SDK1: variants seen among roughly 807,000 people sequenced by gnomAD.
SDK1 encodes the protein sidekick cell adhesion molecule 1.
Under a neutral mutation model 245.5 loss-of-function variants are expected in SDK1, and 157 were observed. That is an observed-to-expected ratio of 0.64 (90% CI 0.56 to 0.73). The LOEUF (loss-of-function observed/expected upper bound fraction) is 0.73. Ranked by LOEUF, SDK1 falls within the 30% of genes least tolerant of loss-of-function variation. The pLI is 0.00. For missense variants in SDK1, 3,583 were observed against 3,002.3 expected, an observed-to-expected ratio of 1.19 and a Z score of -4.52; for synonymous variants, 1,647 against 1,278.5, an observed-to-expected ratio of 1.29 and a Z score of -6.15.
At chr7:3,469,486 G>A (rs961263123) in intron 1 of SDK1, among the ~76,000 whole-genome samples, 15 of 152,128 alleles carry the variant, frequency 9.9e-5, no homozygotes, top group African/African-American at 3.1e-4. Flanking sequence ...AATAGCATGA[G>A]GTGATGTACA....
intron 4 of SDK1, among the ~76,000 whole-genome samples, chr7:3,790,012 C>G (rs1426909497): frequency 6.6e-6 from 1 of 152,128 alleles, no homozygotes; most frequent in Non-Finnish European, 1.5e-5. Flanking sequence ...GCCACCACCT[C>G]TCCCCCTTCC....
At position 4,161,834 on chromosome 7, in the gene SDK1, C is replaced by T. The variant is rs1466224084; in HGVS notation, c.4778C>T (p.Ser1593Phe). The T allele has an allele frequency of 9.9e-6, 16 of 1,614,052 alleles. No individual in the cohort carries two copies. The highest frequency in any genetic ancestry group is 1.7e-5 in the Admixed American group (1 of 60,010). ...GSVSATPHTT[S>F]SVLIQWQPPR... ...GTCTCAGCGACGCCACACACCACGT[C>T]CTCTGTCCTGATACAGTGGCAGGTA... The change falls in exon 32 of 45, where the codon TCC becomes TTC. Residue 1593 changes from serine (S) to phenylalanine (F), a missense_variant. Transcript: ENST00000404826.
At chr7:3,957,917 G>A in intron 7 of SDK1, 1 of 466,342 alleles carries the variant, frequency 2.1e-6, no homozygotes, top group Non-Finnish European at 4.4e-6. Flanking sequence ...CTTTCTGCTT[G>A]AGTGGTCCAG....
intron 1 of SDK1, among the ~76,000 whole-genome samples, chr7:3,554,218 C>G (rs1779512738): frequency 6.6e-6 from 1 of 152,166 alleles, no homozygotes; most frequent in Non-Finnish European, 1.5e-5. Context: ...CCATAGAGCA[C>G]TTTTAAACAA....
In SDK1 at chr7:4,174,444, C is replaced by T. The variant is rs917745473; in HGVS notation, c.4936+87C>T. The T allele has an allele frequency of 1.2e-4, 176 of 1,425,742 alleles. 2 individuals carry two copies. In the Middle Eastern group the frequency reaches 1.8e-3, roughly 14 times the overall value. The allele number at this position is 1,425,742 out of a possible 1,614,324, so 88.3% of individuals were successfully genotyped here. ...GCTCAGTGCACATCATGGTGGGAAA[C>T]GCTGTGGAAGAGGCTGAGAGAAGAG... On this transcript the variant is annotated intron_variant, in intron 33 of 44. Transcript: ENST00000404826.
At chr7:3,665,966 T>C (rs974085660) in intron 4 of SDK1, among the ~76,000 whole-genome samples, 6 of 152,274 alleles carry the variant, frequency 3.9e-5, no homozygotes, top group African/African-American at 1.4e-4. Context: ...CTCGGTTGGC[T>C]CACACTTCCT....
At position 3,951,710 on chromosome 7, in the gene SDK1, A is replaced by C; in HGVS notation, c.960-20A>C. 1 of 1,609,438 alleles carries C rather than the reference A, an allele frequency of 6.2e-7. No homozygotes were observed. Among genetic ancestry groups the C allele is most frequent in the Non-Finnish European group, 8.5e-7 (1 of 1,178,392 alleles). ...TCCCTGAGTCACAATCGTCGTCATGAATGCCTTTCATTCCCACAGGCCTGT... is the reference window on the plus strand; with the variant it reads ...TCCCTGAGTCACAATCGTCGTCATGCATGCCTTTCATTCCCACAGGCCTGT... On this transcript the variant is annotated intron_variant, in intron 6 of 44. Coordinates refer to ENST00000404826, the MANE Select transcript of SDK1 (RefSeq NM_152744.4).
At chr7:4,082,261 G>A (rs2128179725) in intron 22 of SDK1, among the ~76,000 whole-genome samples, 1 of 152,174 alleles carries the variant, frequency 6.6e-6, no homozygotes, top group South Asian at 2.1e-4. Context: ...ACTTTGGCCA[G>A]GCGTGATGGC....
intron 4 of SDK1, among the ~76,000 whole-genome samples, chr7:3,715,477 C>A (rs1264051925): frequency 6.6e-6 from 1 of 152,156 alleles, no homozygotes; most frequent in East Asian, 1.9e-4. Context: ...AGACACCCCT[C>A]ACCTTCTACC....
intron 1 of SDK1, among the ~76,000 whole-genome samples, chr7:3,600,537 T>G (rs10275747): frequency 0.2 from 30,566 of 149,142 alleles, 3,348 homozygotes; most frequent in Middle Eastern, 0.31. Flanking sequence ...GTGTTAAGTG[T>G]GATATTAGAT....
At chr7:3,849,795 C>G (rs1583474721) in intron 5 of SDK1, among the ~76,000 whole-genome samples, 1 of 152,130 alleles carries the variant, frequency 6.6e-6, no homozygotes, top group East Asian at 1.9e-4. Context: ...GTTACTGTAC[C>G]TATCTGTGTA....
chr7:3,662,653 G>C (rs1783402711), intron 4 of SDK1, among the ~76,000 whole-genome samples: 1 of 152,174 alleles, frequency 6.6e-6, no homozygotes, highest in Non-Finnish European at 1.5e-5. Context: ...AGCAACAACA[G>C]ATGTTTCGGG....
At chr7:3,514,991 G>A (rs1782696998) in intron 1 of SDK1, among the ~76,000 whole-genome samples, 1 of 152,192 alleles carries the variant, frequency 6.6e-6, no homozygotes, top group African/African-American at 2.4e-5. Context: ...TCTGCTGAAT[G>A]TAAAGTTTTC....
intron 42 of SDK1, among the ~76,000 whole-genome samples, chr7:4,238,707 C>T (rs1374151706): frequency 6.6e-6 from 1 of 151,878 alleles, no homozygotes; most frequent in Non-Finnish European, 1.5e-5. Context: ...CATCTCCACG[C>T]CCGGCTAATT....
At chr7:3,559,081 A>G (rs1271956895) in intron 1 of SDK1, among the ~76,000 whole-genome samples, 1 of 152,200 alleles carries the variant, frequency 6.6e-6, no homozygotes, top group East Asian at 1.9e-4. Context: ...GGAAGCAAGC[A>G]TGTTCCCTCT....
At chr7:3,962,363 G>C (rs1781767987) in intron 8 of SDK1, among the ~76,000 whole-genome samples, 1 of 152,170 alleles carries the variant, frequency 6.6e-6, no homozygotes, top group Admixed American at 6.5e-5. Flanking sequence ...CTGACTCTCA[G>C]CTGGAATCTC....
At chr7:3,404,899 G>T (rs79132909) in intron 1 of SDK1, among the ~76,000 whole-genome samples, 37 of 152,226 alleles carry the variant, frequency 2.4e-4, no homozygotes, top group Non-Finnish European at 7.4e-5. Context: ...GTAAGATTGA[G>T]GTCTTAATGT....
intron 1 of SDK1, among the ~76,000 whole-genome samples, chr7:3,378,031 G>A (rs189846074): frequency 6.7e-4 from 102 of 152,124 alleles, no homozygotes; most frequent in Admixed American, 2.7e-3. Context: ...CGCCTGCCTC[G>A]GCTTCCCAAA....
chr7:3,654,410 C>A (rs767563768), intron 4 of SDK1, among the ~76,000 whole-genome samples: 3 of 152,128 alleles, frequency 2.0e-5, no homozygotes, highest in Non-Finnish European at 4.4e-5. Context: ...AGAGCCTCAC[C>A]GTGCAGAGCG....
Sources: allele counts gnomAD v4.1 joint callset (sites outside exome capture counted in the v4.1 genomes callset), GRCh38; gene constraint gnomAD v4.1.1; transcripts MANE v1.5; gene names NCBI Gene and HGNC (gene_info 2026-07-23, HGNC 2026-07-21).